The following HTRA3 variants were observed in gnomAD, a reference collection of about 807,000 sequenced individuals.
HTRA3 encodes serine protease HTRA3.
A neutral mutation model predicts 43.2 loss-of-function variants in HTRA3; 41 were observed. The ratio of observed to expected loss-of-function variants is 0.95; its 90% confidence interval spans 0.74 to 1.23. The LOEUF (loss-of-function observed/expected upper bound fraction) is 1.23. Among genes scored for constraint, HTRA3 ranks in the 50% most tolerant of loss-of-function variants. The pLI is 0.00. For missense variants in HTRA3, 628 were observed against 647.1 expected (o/e 0.97, Z 0.32); for synonymous variants, 295 against 287.9 (o/e 1.02, Z -0.25).
chr4:8,282,414 C>T (rs772042053), intron 1 of HTRA3, 23 bp from the exon 2 acceptor site: 14 of 1,590,984 alleles, frequency 8.8e-6, no homozygotes. Context: ...CACTGATGCA[C>T]CTGGCCCTTC....
rs766644308 is a variant in HTRA3, at chr4:8,270,298, G to T, written c.330G>T (p.Ala110=). 17 of 1,477,610 alleles carry T rather than the reference G, an allele frequency of 1.2e-5. 1 individual carries two copies. In the South Asian group the frequency reaches 2.2e-4, roughly 19 times the overall value. 91.5% of individuals were successfully genotyped at this position (1,477,610 alleles called of 1,614,324 possible). A position where few individuals can be genotyped will look rare whatever the true frequency, so the allele number is the denominator to read the frequency against. ...VCALQAASRR[A]LQLSGTPVRQ... ...CGCTGCAGGCGGCCAGCCGCCGCGC[G>T]CTGCAGCTCTCCGGGACGCCCGTGC... Residue 110 remains alanine (A), a synonymous_variant, in exon 1 of 9, where the codon GCG becomes GCT. Transcript: ENST00000307358.
chr4:8,282,578 C>G, intron 2 of HTRA3, 42 bp downstream of exon 2: 1 of 1,452,108 alleles, frequency 6.9e-7, no homozygotes, highest in Non-Finnish European at 9.6e-7. Context: ...CCTGGTGTCC[C>G]CTGGTACACC....
At chr4:8,281,357 C>G (rs2153004585) in intron 1 of HTRA3, among the ~76,000 whole-genome samples, 1 of 152,340 alleles carries the variant, frequency 6.6e-6, no homozygotes, top group South Asian at 2.1e-4. Context: ...CCTCTTTGCT[C>G]CCCATTGCCA....
Position 8,291,474 on chromosome 4 carries a change from G to C in HTRA3, c.813G>C (p.Thr271=). The C allele has an allele frequency of 6.2e-7, 1 of 1,613,076 alleles. No homozygotes were observed. Among genetic ancestry groups the C allele is most frequent in the Non-Finnish European group, 8.5e-7 (1 of 1,179,994 alleles). Residue 271 remains threonine (T), a synonymous_variant, in exon 4 of 9, where the codon ACG becomes ACC. Coordinates refer to ENST00000307358, the MANE Select transcript of HTRA3 (RefSeq NM_053044.5). ...TCGCCCTACAGAACACAGTGACAAC[G>C]GGCATCGTCAGCACTGCCCAGCGGG... is the stretch of plus-strand genomic sequence containing the variant. ...SPFALQNTVT[T]GIVSTAQREG...
chr4:8,305,485 G>A lies in HTRA3; in HGVS notation c.1197-486G>A, dbSNP rs550244518. Reference sequence around the variant, plus strand: ...TGAGGGTCCTGATGCTGGTGCCCACGCAGCTGAGCACAGTACCATCACCTT... The same window carrying A: ...TGAGGGTCCTGATGCTGGTGCCCACACAGCTGAGCACAGTACCATCACCTT... On this transcript the variant is annotated intron_variant, in intron 8 of 8. Coordinates refer to ENST00000307358, the MANE Select transcript of HTRA3 (RefSeq NM_053044.5). 5.9e-5 allele frequency among the ~76,000 whole-genome samples: 9 copies of A among 152,372 alleles called. 1 individual carries two copies. In the East Asian group the frequency reaches 1.5e-3, roughly 26 times the overall value.
intron 1 of HTRA3, among the ~76,000 whole-genome samples, chr4:8,275,816 C>T (rs985063876): frequency 8.5e-5 from 13 of 152,348 alleles, no homozygotes; most frequent in African/African-American, 3.1e-4. Context: ...GTTCAGGGAG[C>T]TGTAGGAAGC....
chr4:8,291,321 G>A lies in HTRA3; in HGVS notation c.709-49G>A, dbSNP rs115510769. 1.7e-3 allele frequency: 2,642 copies of A among 1,529,276 alleles called. 40 individuals are homozygous for A. In the African/African-American group the frequency reaches 0.031, roughly 18 times the overall value. 94.7% of individuals were successfully genotyped at this position (1,529,276 alleles called of 1,614,324 possible). On this transcript the variant is annotated intron_variant, in intron 3 of 8. Transcript: ENST00000307358. Reference sequence around the variant, plus strand: ...GGATCTGACTCCGGTCCCCGCTGAAGGTAGACGGCTAAGCCTCCCTCTCTG... The same window carrying A: ...GGATCTGACTCCGGTCCCCGCTGAAAGTAGACGGCTAAGCCTCCCTCTCTG...
rs1240974018 is a variant in HTRA3, at chr4:8,297,213, G to A, written c.1051+3012G>A. 1.3e-5 allele frequency among the ~76,000 whole-genome samples: 2 copies of A among 152,046 alleles called. No homozygotes were observed. The highest frequency in any genetic ancestry group is 2.9e-5 in the Non-Finnish European group (2 of 68,012). On this transcript the variant is annotated intron_variant, in intron 6 of 8. Coordinates refer to ENST00000307358, the MANE Select transcript of HTRA3 (RefSeq NM_053044.5). This position sits in a 1 kb window ranked among gnomAD's most constrained non-coding sequence, Gnocchi z 5.8. ...AGGAGCAGGGCCAGGAGCAGGACGG[G>A]CAGGGAGGCTGGTGGCCCCATACTT...
rs924617370 is a variant in HTRA3 at position 8,306,387 on chromosome 4, C to T, written c.*251C>T. The T allele has an allele frequency of 2.4e-6, 1 of 412,846 alleles. No individual in the cohort carries two copies. Among genetic ancestry groups the T allele is most frequent in the Non-Finnish European group, 4.3e-6 (1 of 230,764 alleles). The allele number at this position is 412,846 out of a possible 1,614,324, so 25.6% of individuals were successfully genotyped here. On this transcript the variant is annotated 3_prime_UTR_variant, in exon 9 of 9. Coordinates refer to ENST00000307358, the MANE Select transcript of HTRA3 (RefSeq NM_053044.5). This position sits in a 1 kb window ranked among gnomAD's most constrained non-coding sequence, Gnocchi z 8.9. ...GTACAGATGATCCTGAAAGTCACTT[C>T]CAAGTTCTCCGGATATTCACAAAAC... is the stretch of plus-strand genomic sequence containing the variant.
At chr4:8,292,534 CG>C (rs1233185725) in intron 5 of HTRA3, among the ~76,000 whole-genome samples, 181 bp downstream of exon 5, 2 of 152,192 alleles carry the variant, frequency 1.3e-5, no homozygotes, top group African/African-American at 4.8e-5. Flanking sequence ...CCAAGCGCCT[CG>C]GGGATGCTAG....
Position 8,295,800 on chromosome 4 carries a change from G to A in HTRA3, c.1051+1599G>A. ...GGACCCCAGTGCAGCCAAGGCTGGT[G>A]CCATGAGGGCTGGTCACATGAAGAG... On this transcript the variant is annotated intron_variant, in intron 6 of 8. Transcript: ENST00000307358. This position sits in a 1 kb window ranked among gnomAD's most constrained non-coding sequence, Gnocchi z 6.9. 2 of 1,258,712 alleles carry A rather than the reference G, an allele frequency of 1.6e-6. No individual in the cohort carries two copies. Among genetic ancestry groups the A allele is most frequent in the Non-Finnish European group, 2.0e-6 (2 of 999,916 alleles). 78.0% of individuals were successfully genotyped at this position (1,258,712 alleles called of 1,614,324 possible). A position where few individuals can be genotyped will look rare whatever the true frequency, so the allele number is the denominator to read the frequency against.
intron 1 of HTRA3, among the ~76,000 whole-genome samples, chr4:8,274,656 T>C (rs1284233141): frequency 6.6e-6 from 1 of 151,908 alleles, no homozygotes; most frequent in African/African-American, 2.4e-5. Context: ...TTGCACAGAG[T>C]GGATAAATGT....
Position 8,297,724 on chromosome 4 carries a change from T to C in HTRA3, c.1051+3523T>C, listed in dbSNP as rs992202015. Among the ~76,000 whole-genome samples, 4 of 152,186 alleles carry C rather than the reference T, an allele frequency of 2.6e-5. No individual in the cohort carries two copies. The highest frequency in any genetic ancestry group is 5.9e-5 in the Non-Finnish European group (4 of 67,984). ...TCCCAGGTGGGCTGTGCAGGTCCTG[T>C]CGAGGATCCCACCCCCTGGATTTAG... On this transcript the variant is annotated intron_variant, in intron 6 of 8. Coordinates refer to ENST00000307358, the MANE Select transcript of HTRA3 (RefSeq NM_053044.5). This position sits in a 1 kb window ranked among gnomAD's most constrained non-coding sequence, Gnocchi z 5.8.
In HTRA3 at chr4:8,270,089, G is replaced by C; in HGVS notation, c.121G>C (p.Gly41Arg). Residue 41 changes from glycine (G) to arginine (R), a missense_variant, in exon 1 of 9, where the codon GGC (glycine) becomes CGC (arginine). Transcript: ENST00000307358. ...GCGGTGTCCCAGCCCCCGCTGCCCC[G>C]GCGGCTACGTGCCCGACCTCTGCAA... is the stretch of plus-strand genomic sequence containing the variant. ...VSRCPSPRCP[G>R]GYVPDLCNCC... 1 of 1,530,220 alleles carries C rather than the reference G, an allele frequency of 6.5e-7. No homozygotes were observed. Among genetic ancestry groups the C allele is most frequent in the Non-Finnish European group, 8.7e-7 (1 of 1,150,152 alleles). 94.8% of individuals were successfully genotyped at this position (1,530,220 alleles called of 1,614,324 possible).
chr4:8,282,427 GCCAGCGCAGGTCTCCA>G lies in HTRA3; in HGVS notation c.386-4_397del. On this transcript the variant is annotated splice_acceptor_variant and splice_polypyrimidine_tract_variant and coding_sequence_variant and intron_variant, in exon 2 of 9. Transcript: ENST00000307358. LOFTEE classifies it high-confidence loss of function. The stretch of plus-strand genomic sequence containing the variant: ...CTCACTGATGCACCTGGCCCTTCCC[GCCAGCGCAGGTCTCCA>G]CCAGCTGAGCAGCCCGCGCTACAAG... 6.2e-7 allele frequency: 1 copy of G among 1,608,726 alleles called. No homozygotes were observed. The highest frequency in any genetic ancestry group is 8.5e-7 in the Non-Finnish European group (1 of 1,177,030).
At chr4:8,282,088 C>A (rs1219994726) in intron 1 of HTRA3, among the ~76,000 whole-genome samples, 1 of 152,216 alleles carries the variant, frequency 6.6e-6, no homozygotes, top group Non-Finnish European at 1.5e-5. Context: ...GGGACTAACC[C>A]GAGATCCAGC....
intron 3 of HTRA3, among the ~76,000 whole-genome samples, chr4:8,289,722 C>A (rs1443404249): frequency 1.3e-5 from 2 of 151,940 alleles, no homozygotes; most frequent in Non-Finnish European, 2.9e-5. Flanking sequence ...AGGCTCCTGA[C>A]CCTCACCTGT....
At chr4:8,288,783 GCTGGTCTTGAA>G (rs1713098212) in intron 3 of HTRA3, among the ~76,000 whole-genome samples, 1 of 151,658 alleles carries the variant, frequency 6.6e-6, no homozygotes, top group East Asian at 1.9e-4. Flanking sequence ...TGTTGGCCAG[GCTGGTCTTGAA>G]CTCCTGACCT....
rs1043903772 is a variant in HTRA3, at chr4:8,286,454, C to T, written c.486-107C>T. 3 of 888,580 alleles carry T rather than the reference C, an allele frequency of 3.4e-6. No homozygotes were observed. The highest frequency in any genetic ancestry group is 1.6e-5 in the African/African-American group (1 of 60,916). The allele number at this position is 888,580 out of a possible 1,614,324, so 55.0% of individuals were successfully genotyped here. A position where few individuals can be genotyped will look rare whatever the true frequency, so the allele number is the denominator to read the frequency against. On this transcript the variant is annotated intron_variant, in intron 2 of 8. Coordinates refer to ENST00000307358, the MANE Select transcript of HTRA3 (RefSeq NM_053044.5). The surrounding 1 kb of genome is among the most constrained non-coding windows in gnomAD (Gnocchi z 4.9). ...GAGGGACTCCAGACCTGTGTTCTGT[C>T]AGCCACACACTGGCTCTGCTCCTCG...
Sources: gnomAD v4.1 joint callset for allele counts (sites outside exome capture counted in the v4.1 genomes callset) on GRCh38, gnomAD v4.1.1 for gene constraint, Gnocchi (gnomAD v3.1) non-coding constraint, MANE v1.5 for transcripts, NCBI Gene and HGNC (gene_info 2026-07-23, HGNC 2026-07-21) for gene names.